The following FBLN5 variants were observed in gnomAD, a reference collection of about 807,000 sequenced individuals.
The protein encoded by FBLN5 is fibulin-5.
FBLN5 carries 24 observed loss-of-function variants against 61.6 expected under a neutral mutation model. That is an observed-to-expected ratio of 0.39 (90% CI 0.28 to 0.55). FBLN5 has a LOEUF of 0.55. Among genes scored for constraint, FBLN5 ranks in the 20% least tolerant of loss-of-function variants. FBLN5 has a pLI of 0.65. For synonymous variants in FBLN5, 213 were observed against 219.8 expected, an observed-to-expected ratio of 0.97 and a Z score of 0.27; for missense variants, 470 against 594.1, an observed-to-expected ratio of 0.79 and a Z score of 2.17.
At chr14:91,880,019 T>C (rs1012346979) in intron 9 of FBLN5, among the ~76,000 whole-genome samples, 2 of 152,228 alleles carry the variant, frequency 1.3e-5, no homozygotes, top group African/African-American at 2.4e-5. Flanking sequence ...AGAAAGCCAC[T>C]GTCCTACTGC....
At chr14:91,902,272 T>C (rs953759908) in intron 4 of FBLN5, among the ~76,000 whole-genome samples, 3 of 55,450 alleles carry the variant, frequency 5.4e-5, no homozygotes, top group Admixed American at 6.1e-4. Flanking sequence ...TTTTTTTGTT[T>C]GTTTGTTTGT....
rs556687932 is a variant in FBLN5, at chr14:91,898,946, T to C, written c.380-3874A>G. Among the ~76,000 whole-genome samples the C allele has an allele frequency of 1.2e-4, 18 of 151,744 alleles. No homozygotes were observed. In the East Asian group the frequency reaches 2.1e-3, roughly 18 times the overall value. On this transcript the variant is annotated intron_variant, in intron 4 of 10. Coordinates refer to ENST00000342058, the MANE Select transcript of FBLN5 (RefSeq NM_006329.4). ...CCTCCCGAGTAGCTGGGACTACAGG[T>C]GCCCACCACCACGCCCGGCTAATTT...
intron 4 of FBLN5, among the ~76,000 whole-genome samples, chr14:91,905,299 G>T (rs1890636771): frequency 6.6e-6 from 1 of 152,114 alleles, no homozygotes; most frequent in Non-Finnish European, 1.5e-5. Flanking sequence ...CCTATCACCT[G>T]CCCCCCTAGA....
intron 1 of FBLN5, chr14:91,946,651 C>T: frequency 1.5e-6 from 2 of 1,352,826 alleles, no homozygotes; most frequent in Non-Finnish European, 2.0e-6. Flanking sequence ...TTCTCCAAGA[C>T]TTAAGGATTA....
intron 4 of FBLN5, among the ~76,000 whole-genome samples, chr14:91,920,700 G>C (rs1000310288): frequency 6.6e-5 from 10 of 152,118 alleles, no homozygotes; most frequent in African/African-American, 2.4e-4. Flanking sequence ...TAGCAGCCTT[G>C]TGGTGGTTTA....
intron 4 of FBLN5, among the ~76,000 whole-genome samples, chr14:91,918,959 T>C (rs752540275): frequency 2.0e-5 from 3 of 152,116 alleles, no homozygotes; most frequent in Non-Finnish European, 4.4e-5. Context: ...GAGGTTCCAA[T>C]GGGCTTGGGA....
chr14:91,887,095 G>C (rs1889758945), intron 7 of FBLN5, 98 bp downstream of exon 7: 2 of 1,358,400 alleles, frequency 1.5e-6, no homozygotes, highest in African/African-American at 1.4e-5. Flanking sequence ...CATGTGTCCA[G>C]GAAATGAGAG....
intron 10 of FBLN5, among the ~76,000 whole-genome samples, chr14:91,876,696 C>T (rs145639399): frequency 1.4e-4 from 21 of 152,296 alleles, no homozygotes; most frequent in African/African-American, 4.3e-4. Flanking sequence ...AGATATGGAA[C>T]GGATTCTCCT....
intron 1 of FBLN5, among the ~76,000 whole-genome samples, chr14:91,945,319 T>A (rs1299419609): frequency 1.3e-5 from 2 of 151,986 alleles, no homozygotes; most frequent in East Asian, 3.9e-4. Flanking sequence ...AAGCAACTAC[T>A]GCTTGTGGGT....
chr14:91,877,983 C>T (rs538726753), intron 9 of FBLN5: 6 of 503,426 alleles, frequency 1.2e-5, no homozygotes, highest in African/African-American at 9.6e-5. Flanking sequence ...TTTACATTTG[C>T]CACGTAGGCC....
intron 5 of FBLN5, among the ~76,000 whole-genome samples, chr14:91,892,432 C>T (rs1038501111): frequency 1.3e-5 from 2 of 152,244 alleles, no homozygotes; most frequent in African/African-American, 2.4e-5. Context: ...AGTCCTTGTG[C>T]CTGGTTTCTA....
chr14:91,926,535 C>T lies in FBLN5; in HGVS notation c.379+10412G>A, dbSNP rs542126512. ...AAGGCTCGAAAGCTGCCTCTGTGGCCTGTGTGAGGTCAGAGTGGAGACAGA... is the reference window on the plus strand; with the variant it reads ...AAGGCTCGAAAGCTGCCTCTGTGGCTTGTGTGAGGTCAGAGTGGAGACAGA... On this transcript the variant is annotated intron_variant, in intron 4 of 10. Transcript: ENST00000342058. 7.2e-4 allele frequency among the ~76,000 whole-genome samples: 110 copies of T among 152,320 alleles called. 1 individual carries two copies. The highest frequency in any genetic ancestry group is 2.6e-3 in the African/African-American group (109 of 41,570).
At chr14:91,888,514 C>A (rs2139970893) in intron 6 of FBLN5, among the ~76,000 whole-genome samples, 1 of 148,574 alleles carries the variant, frequency 6.7e-6, no homozygotes, top group East Asian at 2.0e-4. Flanking sequence ...GAGGCTGAGA[C>A]AAGGGAATCG....
chr14:91,940,292 G>T (rs1472709403), intron 3 of FBLN5, among the ~76,000 whole-genome samples: 2 of 152,162 alleles, frequency 1.3e-5, no homozygotes, highest in Non-Finnish European at 2.9e-5. Context: ...CCACTAAGTT[G>T]GTGGTAATTT....
intron 10 of FBLN5, among the ~76,000 whole-genome samples, chr14:91,876,643 C>G (rs1181675818): frequency 6.6e-6 from 1 of 152,076 alleles, no homozygotes; most frequent in Non-Finnish European, 1.5e-5. Flanking sequence ...TGGAGTGATG[C>G]AGCCACAGTC....
intron 7 of FBLN5, among the ~76,000 whole-genome samples, chr14:91,885,666 T>C (rs1314240206): frequency 1.3e-5 from 2 of 152,038 alleles, no homozygotes; most frequent in Admixed American, 6.6e-5. Flanking sequence ...ACTCAGGGAG[T>C]GACTTGGTCA....
chr14:91,887,845 T>C (rs1482677535), intron 6 of FBLN5, among the ~76,000 whole-genome samples: 4 of 152,118 alleles, frequency 2.6e-5, no homozygotes, highest in Non-Finnish European at 5.9e-5. Context: ...AGAGGTTAAG[T>C]AGGTTAAGGA....
chr14:91,876,307 T>A (rs1488860640), intron 10 of FBLN5, among the ~76,000 whole-genome samples: 1 of 152,196 alleles, frequency 6.6e-6, no homozygotes, highest in East Asian at 1.9e-4. Flanking sequence ...AATGAAAGCA[T>A]ATAAACGCCC....
At chr14:91,885,597 G>GTGGT (rs570497405) in intron 7 of FBLN5, among the ~76,000 whole-genome samples, 14 of 152,228 alleles carry the variant, frequency 9.2e-5, no homozygotes, top group African/African-American at 2.4e-4. Flanking sequence ...CTCTATGAGG[G>GTGGT]TGGTTGGTTG....
Sources: allele counts gnomAD v4.1 joint callset (sites outside exome capture counted in the v4.1 genomes callset), GRCh38; gene constraint gnomAD v4.1.1; transcripts MANE v1.5; gene names NCBI Gene and HGNC (gene_info 2026-07-23, HGNC 2026-07-21).